EPHB1: variants seen among roughly 807,000 people sequenced by gnomAD.
EPHB1 encodes ephrin type-B receptor 1.
EPHB1 carries 30 observed loss-of-function variants against 94.4 expected under a neutral mutation model. The ratio of observed to expected loss-of-function variants is 0.32; its 90% CI spans 0.24 to 0.43. The LOEUF (loss-of-function observed/expected upper bound fraction) is 0.43, where lower values mean the gene tolerates loss of function less well. Among genes scored for constraint, EPHB1 ranks in the 20% least tolerant of loss-of-function variants. EPHB1 has a pLI of 1.00. For missense variants in EPHB1, 1,055 were observed against 1,308.3 expected (o/e 0.81, Z 2.99); for synonymous variants, 522 against 489.1 (o/e 1.07, Z -0.89).
intron 3 of EPHB1, among the ~76,000 whole-genome samples, chr3:135,091,261 A>G (rs1310311441): frequency 6.6e-6 from 1 of 152,218 alleles, no homozygotes; most frequent in Non-Finnish European, 1.5e-5. Flanking sequence ...CAGCAGGCTC[A>G]TGCTTATGAT....
At chr3:134,804,708 G>A (rs908110369) in intron 1 of EPHB1, among the ~76,000 whole-genome samples, 1 of 152,180 alleles carries the variant, frequency 6.6e-6, no homozygotes, top group Non-Finnish European at 1.5e-5. Context: ...CTTGGCCTGG[G>A]GCCATGTTGT....
chr3:134,959,907 C>G (rs1933438313), intron 3 of EPHB1, among the ~76,000 whole-genome samples: 1 of 148,204 alleles, frequency 6.7e-6, no homozygotes, highest in South Asian at 2.2e-4. Flanking sequence ...TTTTGGTCCC[C>G]ATCTCTTGCT....
chr3:134,833,223 C>T (rs368403584), intron 1 of EPHB1, among the ~76,000 whole-genome samples: 12 of 152,206 alleles, frequency 7.9e-5, no homozygotes, highest in African/African-American at 2.9e-4. Context: ...ACAAATCCAC[C>T]TAGACTCCTT....
At chr3:134,827,040 G>A (rs2036492791) in intron 1 of EPHB1, among the ~76,000 whole-genome samples, 1 of 152,244 alleles carries the variant, frequency 6.6e-6, no homozygotes, top group South Asian at 2.1e-4. Flanking sequence ...CCTCCAGTGA[G>A]TTCTCTGCTC....
chr3:135,187,073 C>T (rs1029105713), intron 10 of EPHB1, among the ~76,000 whole-genome samples: 9 of 152,192 alleles, frequency 5.9e-5, no homozygotes, highest in Non-Finnish European at 1.0e-4. Flanking sequence ...AACCACAGTT[C>T]GAGAACCACT....
chr3:134,817,967 A>G (rs1005021874), intron 1 of EPHB1, among the ~76,000 whole-genome samples: 2 of 152,166 alleles, frequency 1.3e-5, no homozygotes, highest in African/African-American at 2.4e-5. Context: ...TCCTGTGCCT[A>G]TGTTCCTACC....
chr3:135,250,581 G>T (rs759167913), intron 15 of EPHB1, among the ~76,000 whole-genome samples: 2 of 152,108 alleles, frequency 1.3e-5, no homozygotes, highest in Non-Finnish European at 2.9e-5. Context: ...AAGCTCCTCA[G>T]GTGATTCTAA....
chr3:135,236,661 A>T (rs1486994971), intron 12 of EPHB1, among the ~76,000 whole-genome samples: 2 of 152,156 alleles, frequency 1.3e-5, no homozygotes, highest in African/African-American at 4.8e-5. Flanking sequence ...CCATGAACCT[A>T]TCACTTCCAA....
At chr3:134,879,527 C>T (rs989889107) in intron 1 of EPHB1, among the ~76,000 whole-genome samples, 3 of 152,104 alleles carry the variant, frequency 2.0e-5, no homozygotes, top group African/African-American at 7.2e-5. Flanking sequence ...TGGGGTGCAA[C>T]TGTGGTCCCA....
At chr3:134,935,519 A>C (rs1001716168) in intron 2 of EPHB1, among the ~76,000 whole-genome samples, 1 of 152,212 alleles carries the variant, frequency 6.6e-6, no homozygotes, top group Admixed American at 6.5e-5. Flanking sequence ...ATTTTCTGCT[A>C]AGTTCTTTAG....
At chr3:134,910,136 C>T (rs2038422363) in intron 1 of EPHB1, among the ~76,000 whole-genome samples, 1 of 152,192 alleles carries the variant, frequency 6.6e-6, no homozygotes, top group Admixed American at 6.5e-5. Flanking sequence ...CCTGGGGCAT[C>T]TGGGTTGTGA....
At chr3:135,125,209 C>T (rs902591271) in intron 4 of EPHB1, among the ~76,000 whole-genome samples, 1 of 151,588 alleles carries the variant, frequency 6.6e-6, no homozygotes, top group Non-Finnish European at 1.5e-5. Flanking sequence ...ACTTATTCCT[C>T]GTTTCCCATA....
intron 5 of EPHB1, among the ~76,000 whole-genome samples, chr3:135,152,389 A>G (rs560821237): frequency 4.3e-4 from 65 of 152,248 alleles, no homozygotes; most frequent in Non-Finnish European, 7.8e-4. Context: ...CTCTGGGGGT[A>G]CAGCAGGAGC....
chr3:134,906,239 C>T (rs755628978), intron 1 of EPHB1, among the ~76,000 whole-genome samples: 7 of 152,112 alleles, frequency 4.6e-5, no homozygotes, highest in African/African-American at 1.4e-4. Flanking sequence ...CCATTTAGCC[C>T]GAGGGGATAG....
At chr3:134,912,081 G>T (rs1472563255) in intron 1 of EPHB1, among the ~76,000 whole-genome samples, 3 of 152,214 alleles carry the variant, frequency 2.0e-5, no homozygotes, top group Non-Finnish European at 2.9e-5. Context: ...TCCATCGCCG[G>T]CCTTCATTAG....
At chr3:135,168,848 T>A (rs1279068490) in intron 9 of EPHB1, among the ~76,000 whole-genome samples, 1 of 152,106 alleles carries the variant, frequency 6.6e-6, no homozygotes, top group Non-Finnish European at 1.5e-5. Context: ...GGATAAAAAA[T>A]TAGGTTCAAA....
At chr3:134,963,293 C>T (rs1034799846) in intron 3 of EPHB1, among the ~76,000 whole-genome samples, 2 of 152,066 alleles carry the variant, frequency 1.3e-5, no homozygotes, top group East Asian at 3.9e-4. Flanking sequence ...AAACCTGCCA[C>T]ATATAAGTAT....
chr3:134,937,610 C>T (rs2039029269), intron 2 of EPHB1, among the ~76,000 whole-genome samples: 1 of 152,234 alleles, frequency 6.6e-6, no homozygotes, highest in African/African-American at 2.4e-5. Flanking sequence ...AGGCTGGCCT[C>T]TGCTATACAT....
At chr3:135,061,952 A>G (rs947272467) in intron 3 of EPHB1, among the ~76,000 whole-genome samples, 1 of 152,184 alleles carries the variant, frequency 6.6e-6, no homozygotes. Flanking sequence ...GCTGCATAGT[A>G]TTCCATGGTG....
Sources: gnomAD v4.1 joint callset for allele counts (sites outside exome capture counted in the v4.1 genomes callset) on GRCh38, gnomAD v4.1.1 for gene constraint, MANE v1.5 for transcripts, NCBI Gene and HGNC (gene_info 2026-07-23, HGNC 2026-07-21) for gene names.